MECOM: variants seen among roughly 807,000 people sequenced by gnomAD.
MECOM encodes MDS1 and EVI1 complex locus, also known as histone-lysine N-methyltransferase MECOM.
In MECOM, 13 loss-of-function variants were observed where a neutral mutation model predicts 116.3. That is an observed-to-expected ratio of 0.11 (90% CI 0.07 to 0.18). The LOEUF (loss-of-function observed/expected upper bound fraction) is 0.18, where lower values mean the gene tolerates loss of function less well. Ranked by LOEUF, MECOM falls within the 10% of genes least tolerant of loss-of-function variation. The pLI, the probability that MECOM is intolerant of heterozygous loss-of-function variation, is 1.00. For synonymous variants in MECOM, 528 were observed against 535.2 expected, an observed-to-expected ratio of 0.99 and a Z score of 0.19; for missense variants, 1,299 against 1,509.0, an observed-to-expected ratio of 0.86 and a Z score of 2.31.
chr3:169,158,018 A>G (rs919758269), intron 2 of MECOM, among the ~76,000 whole-genome samples: 2 of 152,182 alleles, frequency 1.3e-5, no homozygotes, highest in African/African-American at 4.8e-5. Context: ...TTAAACTCAT[A>G]CTTTTGTCTA....
At chr3:169,391,495 C>T (rs1322450807) in intron 1 of MECOM, among the ~76,000 whole-genome samples, 1 of 152,050 alleles carries the variant, frequency 6.6e-6, no homozygotes, top group African/African-American at 2.4e-5. Flanking sequence ...CCCAATACCA[C>T]ATCATATTAA....
At chr3:169,150,642 A>G (rs1741034056) in intron 2 of MECOM, among the ~76,000 whole-genome samples, 1 of 152,248 alleles carries the variant, frequency 6.6e-6, no homozygotes, top group Non-Finnish European at 1.5e-5. Context: ...CGGGGAAAGA[A>G]AAAAATGGAA....
At chr3:169,350,980 A>T (rs566693989) in intron 2 of MECOM, among the ~76,000 whole-genome samples, 1 of 151,952 alleles carries the variant, frequency 6.6e-6, no homozygotes, top group South Asian at 2.1e-4. Context: ...ATAAAATTAT[A>T]GTACTAGTAA....
At chr3:169,379,836 G>A (rs568020777) in intron 2 of MECOM, among the ~76,000 whole-genome samples, 2 of 152,230 alleles carry the variant, frequency 1.3e-5, no homozygotes, top group South Asian at 2.1e-4. Flanking sequence ...AAGTTCGTAC[G>A]CATTTGGTTT....
rs1001630931 is a variant in MECOM, at chr3:169,101,977, T to C, written c.2771+83A>G. The stretch of plus-strand genomic sequence containing the variant: ...TGGCTATTAATCATCTAATCAGGAA[T>C]AATTTCCAAAACAAACAGCAAGACC... On this transcript the variant is annotated intron_variant, in intron 11 of 16. Transcript: ENST00000651503. The C allele has an allele frequency of 1.7e-5, 23 of 1,370,822 alleles. No individual in the cohort carries two copies. The African/African-American group carries it at 2.9e-4, about 17-fold the overall frequency. The allele number at this position is 1,370,822 out of a possible 1,614,324, so 84.9% of individuals were successfully genotyped here. A position where few individuals can be genotyped will look rare whatever the true frequency, so the allele number is the denominator to read the frequency against.
At chr3:169,314,980 T>C (rs879755683) in intron 2 of MECOM, among the ~76,000 whole-genome samples, 17 of 152,196 alleles carry the variant, frequency 1.1e-4, no homozygotes, top group Non-Finnish European at 2.4e-4. Context: ...TGCAGGGCCC[T>C]GTGTAGTTCC....
At chr3:169,159,532 C>G (rs188913965) in intron 2 of MECOM, among the ~76,000 whole-genome samples, 2 of 151,896 alleles carry the variant, frequency 1.3e-5, no homozygotes, top group African/African-American at 4.8e-5. Flanking sequence ...GCATCCAGCC[C>G]GGGCAACAGT....
At chr3:169,325,827 A>G (rs1721744270) in intron 2 of MECOM, among the ~76,000 whole-genome samples, 1 of 152,244 alleles carries the variant, frequency 6.6e-6, no homozygotes, top group Non-Finnish European at 1.5e-5. Flanking sequence ...CTATTAAAAG[A>G]TAAAGATCCA....
chr3:169,465,402 A>G (rs1056567280), intron 1 of MECOM, among the ~76,000 whole-genome samples: 3 of 152,242 alleles, frequency 2.0e-5, no homozygotes, highest in African/African-American at 7.2e-5. Flanking sequence ...TGCTCAGAAT[A>G]GTGGCTGGCA....
At chr3:169,182,408 A>T (rs183258884) in intron 2 of MECOM, among the ~76,000 whole-genome samples, 22 of 152,354 alleles carry the variant, frequency 1.4e-4, no homozygotes, top group Admixed American at 1.2e-3. Flanking sequence ...ACAGTATCAC[A>T]GCTTTTGATG....
At chr3:169,307,907 T>C (rs1408680851) in intron 2 of MECOM, among the ~76,000 whole-genome samples, 2 of 152,190 alleles carry the variant, frequency 1.3e-5, no homozygotes, top group Non-Finnish European at 2.9e-5. Context: ...TCATTTCCTT[T>C]CACTCTTCTC....
In MECOM at chr3:169,131,499, C is replaced by A; in HGVS notation, c.543G>T (p.Pro181=). 1.2e-6 allele frequency: 2 copies of A among 1,613,756 alleles called. No individual in the cohort carries two copies. The highest frequency in any genetic ancestry group is 1.7e-6 in the Non-Finnish European group (2 of 1,179,958). Reference sequence around the variant, plus strand: ...TCATGAACAGCAGAAGCTCCTCTCCCGGCGCAATGTCTGCAACTACTCTAT... The same window carrying A: ...TCATGAACAGCAGAAGCTCCTCTCCAGGCGCAATGTCTGCAACTACTCTAT... The part of the protein sequence containing the change: ...IFYRVVADIA[P]GEELLLFMKS... The change falls in exon 4 of 17, where the codon CCG becomes CCT. Residue 181 remains proline (P), a synonymous_variant. Coordinates refer to ENST00000651503, the MANE Select transcript of MECOM (RefSeq NM_004991.4).
intron 2 of MECOM, among the ~76,000 whole-genome samples, chr3:169,285,157 C>T (rs1218051445): frequency 1.3e-5 from 2 of 152,114 alleles, no homozygotes; most frequent in Non-Finnish European, 2.9e-5. Context: ...TCCCCAGGGC[C>T]CTCAGGAGGC....
At chr3:169,349,012 C>T (rs1725837422) in intron 2 of MECOM, among the ~76,000 whole-genome samples, 1 of 151,872 alleles carries the variant, frequency 6.6e-6, no homozygotes, top group East Asian at 1.9e-4. Flanking sequence ...CAGAGTGGAA[C>T]TGCATTTTTT....
intron 1 of MECOM, among the ~76,000 whole-genome samples, chr3:169,643,129 A>G (rs982453729): frequency 2.6e-5 from 4 of 152,230 alleles, no homozygotes; most frequent in African/African-American, 4.8e-5. Flanking sequence ...CATTTTACAC[A>G]TTTATACAAG....
intron 1 of MECOM, among the ~76,000 whole-genome samples, chr3:169,461,743 A>G (rs1747482227): frequency 6.6e-6 from 1 of 152,186 alleles, no homozygotes; most frequent in Non-Finnish European, 1.5e-5. Flanking sequence ...AAGTAGCAGT[A>G]GCAAAACACC....
intron 2 of MECOM, among the ~76,000 whole-genome samples, chr3:169,306,159 A>T (rs1267804629): frequency 6.6e-6 from 1 of 152,176 alleles, no homozygotes; most frequent in Non-Finnish European, 1.5e-5. Context: ...TTATCGAGGT[A>T]ATAAAAAATT....
rs562152880 is a variant in MECOM, at chr3:169,359,462, C to T, written c.375+21725G>A. On this transcript the variant is annotated intron_variant, in intron 2 of 16. Transcript: ENST00000651503. Reference sequence around the variant, plus strand: ...AAGCCCACCAAGTGACATCATATACCACCTCAGTATAGTACCTTTGGTAAT... The same window carrying T: ...AAGCCCACCAAGTGACATCATATACTACCTCAGTATAGTACCTTTGGTAAT... Among the ~76,000 whole-genome samples the T allele has an allele frequency of 2.6e-5, 4 of 151,680 alleles. No individual in the cohort carries two copies. In the East Asian group the frequency reaches 7.8e-4, roughly 30 times the overall value.
At chr3:169,363,036 A>G (rs538733133) in intron 2 of MECOM, among the ~76,000 whole-genome samples, 53 of 151,976 alleles carry the variant, frequency 3.5e-4, no homozygotes, top group Admixed American at 1.8e-3. Flanking sequence ...AAATTTCCCC[A>G]TTTCTTCACT....
Sources: allele counts gnomAD v4.1 joint callset (sites outside exome capture counted in the v4.1 genomes callset), GRCh38; gene constraint gnomAD v4.1.1; transcripts MANE v1.5; gene names NCBI Gene and HGNC (gene_info 2026-07-23, HGNC 2026-07-21).